Variants in CASZ1 observed in about 807,000 individuals in gnomAD.
The protein encoded by CASZ1 is castor zinc finger 1, also known as zinc finger protein castor homolog 1.
CASZ1 carries 28 observed loss-of-function variants against 135.2 expected under a neutral mutation model. That is an observed-to-expected ratio of 0.21 (90% CI 0.15 to 0.28). The LOEUF is 0.28. Among genes scored for constraint, CASZ1 ranks in the 10% least tolerant of loss-of-function variants. CASZ1 has a pLI of 1.00. For synonymous variants in CASZ1, 1,068 were observed against 1,073.4 expected, an observed-to-expected ratio of 0.99 and a Z score of 0.10; for missense variants, 2,161 against 2,453.3, an observed-to-expected ratio of 0.88 and a Z score of 2.52.
At chr1:10,752,827 G>C (rs1640173998) in intron 2 of CASZ1, among the ~76,000 whole-genome samples, 2 of 152,240 alleles carry the variant, frequency 1.3e-5, no homozygotes, top group African/African-American at 4.8e-5. Flanking sequence ...CCTGAGGTCA[G>C]GAGTTCGAGA....
Position 10,684,313 on chromosome 1 carries a change from A to T in CASZ1, c.16+9561T>A, listed in dbSNP as rs951049866. 2.0e-5 allele frequency among the ~76,000 whole-genome samples: 3 copies of T among 151,840 alleles called. No individual in the cohort carries two copies. The East Asian group carries it at 5.8e-4, about 29-fold the overall frequency. The stretch of plus-strand genomic sequence containing the variant: ...GGATCACAGCTGCAAGCCCTTTTCT[A>T]GGCCGGGTCAAGCTTCCAAGCAGTG... On this transcript the variant is annotated intron_variant, in intron 4 of 20. Transcript: ENST00000377022.
At chr1:10,664,921 C>A (rs1018256938) in intron 5 of CASZ1, among the ~76,000 whole-genome samples, 162 bp downstream of exon 5, 1 of 151,996 alleles carries the variant, frequency 6.6e-6, no homozygotes, top group African/African-American at 2.4e-5. Context: ...TGCCCCTCCC[C>A]GTCCTAGTCT....
Position 10,647,771 on chromosome 1 carries a change from G to C in CASZ1, c.3497+30C>G. 6.2e-7 allele frequency: 1 copy of C among 1,612,100 alleles called. No individual in the cohort carries two copies. The highest frequency in any genetic ancestry group is 8.5e-7 in the Non-Finnish European group (1 of 1,179,996). Reference sequence around the variant, plus strand: ...CCTACTCCCGAGACGCGAGGGGAACGCGGGACTCCCGGCTCATCGAGGGAC... The same window carrying C: ...CCTACTCCCGAGACGCGAGGGGAACCCGGGACTCCCGGCTCATCGAGGGAC... On this transcript the variant is annotated intron_variant, in intron 16 of 20. Coordinates refer to ENST00000377022, the MANE Select transcript of CASZ1 (RefSeq NM_001079843.3). This position sits in a 1 kb window ranked among gnomAD's most constrained non-coding sequence, Gnocchi z 4.9.
chr1:10,786,562 G>C (rs1294841509), intron 1 of CASZ1, among the ~76,000 whole-genome samples: 1 of 152,186 alleles, frequency 6.6e-6, no homozygotes, highest in Non-Finnish European at 1.5e-5. Context: ...AACACACACA[G>C]ACATGTGGTC....
chr1:10,749,585 A>C (rs1640112013), intron 2 of CASZ1, among the ~76,000 whole-genome samples: 1 of 151,840 alleles, frequency 6.6e-6, no homozygotes, highest in Non-Finnish European at 1.5e-5. Flanking sequence ...AGACAGCCCC[A>C]TTTCCCCCTT....
chr1:10,669,209 G>A (rs1323567044), intron 4 of CASZ1, among the ~76,000 whole-genome samples: 1 of 152,190 alleles, frequency 6.6e-6, no homozygotes, highest in Non-Finnish European at 1.5e-5. Flanking sequence ...AGACACTCCA[G>A]AGCCCAAGCT....
In CASZ1 at chr1:10,646,471, A is replaced by G. The variant is rs538554324; in HGVS notation, c.3498-145T>C. The stretch of plus-strand genomic sequence containing the variant: ...GGCCTGGGCTGCTGTCCTGCTCAAC[A>G]GGATGACTCAGCTGGAGACTACAGA... On this transcript the variant is annotated intron_variant, in intron 16 of 20. Coordinates refer to ENST00000377022, the MANE Select transcript of CASZ1 (RefSeq NM_001079843.3). This position sits in a 1 kb window ranked among gnomAD's most constrained non-coding sequence, Gnocchi z 6.4. 2.6e-4 allele frequency: 186 copies of G among 729,334 alleles called. 1 individual carries two copies. The highest frequency in any genetic ancestry group is 1.6e-4 in the East Asian group (6 of 37,242). 45.2% of individuals were successfully genotyped at this position (729,334 alleles called of 1,614,324 possible). A position where few individuals can be genotyped will look rare whatever the true frequency, so the allele number is the denominator to read the frequency against.
chr1:10,710,721 G>C (rs1057122283), intron 2 of CASZ1, among the ~76,000 whole-genome samples: 1 of 152,258 alleles, frequency 6.6e-6, no homozygotes. Context: ...CCCAGCCCCT[G>C]TGCCAGGTCA....
intron 5 of CASZ1, among the ~76,000 whole-genome samples, chr1:10,664,459 C>T (rs1643161411): frequency 6.6e-6 from 1 of 152,128 alleles, no homozygotes; most frequent in South Asian, 2.1e-4. Context: ...GCCAGGGGAC[C>T]GTGGCCGGGG....
chr1:10,747,300 C>T lies in CASZ1; in HGVS notation c.-77+13401G>A, dbSNP rs999125624. Among the ~76,000 whole-genome samples, 13 of 152,166 alleles carry T rather than the reference C, an allele frequency of 8.5e-5. No homozygotes were observed. The highest frequency in any genetic ancestry group is 3.9e-4 in the East Asian group (2 of 5,192). The stretch of plus-strand genomic sequence containing the variant: ...GCAGAGAGAGGCAGGGTTCTGAATA[C>T]GCTCATCTTTCGTAGATGCAACCCA... On this transcript the variant is annotated intron_variant, in intron 2 of 20. Transcript: ENST00000377022. The surrounding 1 kb of genome is among the most constrained non-coding windows in gnomAD (Gnocchi z 4.3).
intron 4 of CASZ1, 118 bp downstream of exon 4, chr1:10,693,756 G>GC: frequency 4.1e-6 from 2 of 482,652 alleles, no homozygotes; most frequent in Non-Finnish European, 4.1e-6. Flanking sequence ...GCAGCCGCCC[G>GC]ACCCTCCCGG....
At chr1:10,704,500 C>G (rs910836870) in intron 3 of CASZ1, 1 of 152,264 alleles carries the variant, frequency 6.6e-6, no homozygotes, top group African/African-American at 2.4e-5. Flanking sequence ...GCTGGGGGAG[C>G]CTTTGAAGTC....
chr1:10,643,043 T>C, intron 19 of CASZ1, 43 bp from the exon 20 acceptor site: 1 of 1,598,272 alleles, frequency 6.3e-7, no homozygotes, highest in Middle Eastern at 1.7e-4. Context: ...GGCTGTGGGG[T>C]ATGCTGCCCA....
intron 3 of CASZ1, among the ~76,000 whole-genome samples, chr1:10,702,064 C>T (rs1462722382): frequency 2.0e-5 from 3 of 152,212 alleles, no homozygotes; most frequent in African/African-American, 7.2e-5. Flanking sequence ...GAAATAGAGA[C>T]TCCGAGACGT....
chr1:10,761,545 A>C (rs567149856), intron 1 of CASZ1, among the ~76,000 whole-genome samples: 1 of 148,610 alleles, frequency 6.7e-6, no homozygotes, highest in Non-Finnish European at 1.5e-5. Flanking sequence ...GTGTTGGGAC[A>C]AAAAAAAAAG....
At chr1:10,674,205 C>A (rs1294636537) in intron 4 of CASZ1, among the ~76,000 whole-genome samples, 2 of 152,238 alleles carry the variant, frequency 1.3e-5, no homozygotes, top group African/African-American at 4.8e-5. Flanking sequence ...GCCACCATCA[C>A]CCCTACCTGG....
At chr1:10,765,567 T>C (rs939738906) in intron 1 of CASZ1, among the ~76,000 whole-genome samples, 10 of 152,136 alleles carry the variant, frequency 6.6e-5, no homozygotes, top group Middle Eastern at 3.4e-3. Flanking sequence ...ACATACACAA[T>C]GAGCCAAAAC....
rs190773 is a variant in CASZ1 at position 10,690,609 on chromosome 1, C to T, written c.16+3265G>A. On this transcript the variant is annotated intron_variant, in intron 4 of 20. Transcript: ENST00000377022. ...AGAAAGAAACCGGCCGGGCTTCCTC[C>T]CATTGACCCGCCTCGACGACAAGGC... Among the ~76,000 whole-genome samples, 1,320 of 152,292 alleles carry T rather than the reference C, an allele frequency of 8.7e-3. 20 individuals are homozygous for T. Among genetic ancestry groups the T allele is most frequent in the East Asian group, 0.032 (167 of 5,170 alleles).
At chr1:10,772,192 AAAG>A (rs1640589108) in intron 1 of CASZ1, among the ~76,000 whole-genome samples, 1 of 152,142 alleles carries the variant, frequency 6.6e-6, no homozygotes, top group Non-Finnish European at 1.5e-5. Flanking sequence ...TGGGTGGGAG[AAAG>A]AAGAGGCAGT....
Sources: allele counts gnomAD v4.1 joint callset (sites outside exome capture counted in the v4.1 genomes callset), GRCh38; gene constraint gnomAD v4.1.1; non-coding constraint Gnocchi (gnomAD v3.1); transcripts MANE v1.5; gene names NCBI Gene and HGNC (gene_info 2026-07-23, HGNC 2026-07-21).